The following ABHD3 variants were observed in gnomAD, a reference collection of about 807,000 sequenced individuals.
The protein encoded by ABHD3 is abhydrolase domain containing 3, phospholipase.
ABHD3 carries 46 observed loss-of-function variants against 48.8 expected under a neutral mutation model. The ratio of observed to expected loss-of-function variants is 0.94; its 90% CI spans 0.74 to 1.20. ABHD3 has a LOEUF of 1.20. Ranked by LOEUF, ABHD3 falls within the 50% of genes most tolerant of loss-of-function variation. The pLI is 0.00. For missense variants in ABHD3, 490 were observed against 497.8 expected, an observed-to-expected ratio of 0.98 and a Z score of 0.15; for synonymous variants, 192 against 183.7, an observed-to-expected ratio of 1.04 and a Z score of -0.36.
intron 1 of ABHD3, among the ~76,000 whole-genome samples, chr18:21,704,188 G>A (rs1429437525): frequency 6.6e-6 from 1 of 152,222 alleles, no homozygotes; most frequent in African/African-American, 2.4e-5. Context: ...TGCCCTGCCC[G>A]GAGTCATTTT....
At chr18:21,700,827 CAAAAAAAAAAA>C (rs375239917) in intron 3 of ABHD3, among the ~76,000 whole-genome samples, 22 of 94,396 alleles carry the variant, frequency 2.3e-4, no homozygotes, top group African/African-American at 7.3e-4. Context: ...AAGTTTTAGC[CAAAAAAAAAAA>C]AAAAAAAAAA....
intron 4 of ABHD3, among the ~76,000 whole-genome samples, chr18:21,680,872 G>GTA (rs1425651856): frequency 6.6e-6 from 1 of 151,110 alleles, no homozygotes; most frequent in Non-Finnish European, 1.5e-5. Context: ...GTGTGTGTGT[G>GTA]TGTGTGTGTA....
At chr18:21,658,416 C>G (rs1401710200) in intron 6 of ABHD3, among the ~76,000 whole-genome samples, 1 of 152,052 alleles carries the variant, frequency 6.6e-6, no homozygotes, top group Non-Finnish European at 1.5e-5. Context: ...ACATTACTAT[C>G]CAGGAAAGAC....
chr18:21,691,388 G>A (rs955285673), intron 3 of ABHD3, among the ~76,000 whole-genome samples: 1 of 152,128 alleles, frequency 6.6e-6, no homozygotes, highest in Non-Finnish European at 1.5e-5. Context: ...ATTATCAATA[G>A]TAACCAAATT....
At chr18:21,668,237 A>G (rs995538000) in intron 4 of ABHD3, among the ~76,000 whole-genome samples, 6 of 151,506 alleles carry the variant, frequency 4.0e-5, no homozygotes, top group Non-Finnish European at 8.8e-5. Context: ...AAAAGAAAAG[A>G]AAATATCTTC....
chr18:21,658,453 G>A (rs1489991926), intron 6 of ABHD3, among the ~76,000 whole-genome samples: 2 of 152,076 alleles, frequency 1.3e-5, no homozygotes, highest in African/African-American at 4.8e-5. Flanking sequence ...TTAGCAACAA[G>A]TAGAAAATCC....
chr18:21,681,075 C>T lies in ABHD3; in HGVS notation c.555+2845G>A, dbSNP rs181667174. Among the ~76,000 whole-genome samples the T allele has an allele frequency of 7.9e-5, 12 of 152,110 alleles. No individual in the cohort carries two copies. The Middle Eastern group carries it at 0.01, about 129-fold the overall frequency. On this transcript the variant is annotated intron_variant, in intron 4 of 8. Coordinates refer to ENST00000289119, the MANE Select transcript of ABHD3 (RefSeq NM_138340.5). ...CACCAATCTCCCCTTTCACTCTACA[C>T]GTGCCCTAACTAATCTCAGCTACTC...
At chr18:21,687,899 C>T (rs1253291249) in intron 3 of ABHD3, among the ~76,000 whole-genome samples, 3 of 152,248 alleles carry the variant, frequency 2.0e-5, no homozygotes, top group African/African-American at 7.2e-5. Flanking sequence ...AGCAGCATCT[C>T]TGGCCTCTAC....
intron 3 of ABHD3, among the ~76,000 whole-genome samples, chr18:21,692,987 T>C (rs2040286984): frequency 6.6e-6 from 1 of 152,206 alleles, no homozygotes. Flanking sequence ...ACAATGTCGA[T>C]TCCAGCGGCC....
intron 3 of ABHD3, among the ~76,000 whole-genome samples, chr18:21,693,943 C>T (rs2040309402): frequency 6.6e-6 from 1 of 152,046 alleles, no homozygotes; most frequent in Non-Finnish European, 1.5e-5. Context: ...CATCTCTCCT[C>T]CCTCAGGAAG....
intron 8 of ABHD3, among the ~76,000 whole-genome samples, chr18:21,654,313 T>A (rs1334242387): frequency 6.6e-6 from 1 of 152,122 alleles, no homozygotes. Context: ...GGTAACAGCT[T>A]CTCTACCTCA....
intron 3 of ABHD3, among the ~76,000 whole-genome samples, chr18:21,690,237 T>C (rs1486943606): frequency 1.3e-5 from 2 of 151,136 alleles, no homozygotes; most frequent in African/African-American, 4.9e-5. Context: ...AGCTCGAACA[T>C]AGGATAAGAG....
At chr18:21,689,764 A>G (rs2040206347) in intron 3 of ABHD3, among the ~76,000 whole-genome samples, 2 of 152,134 alleles carry the variant, frequency 1.3e-5, no homozygotes. Context: ...CACTACAAGC[A>G]ACCCAATTAA....
At chr18:21,695,996 G>A (rs1200190160) in intron 3 of ABHD3, among the ~76,000 whole-genome samples, 2 of 151,210 alleles carry the variant, frequency 1.3e-5, no homozygotes, top group Non-Finnish European at 3.0e-5. Flanking sequence ...ATTAGTTGGG[G>A]GTGGAATACA....
rs767898050 is a variant in ABHD3, at chr18:21,702,384, G to A, written c.441C>T (p.Gly147=). Residue 147 remains glycine, a synonymous_variant, in exon 3 of 9, where the codon GGC becomes GGT. Transcript: ENST00000289119. ...STRPTILLLP[G]LTGTSKESYI... is the part of the protein sequence containing the mutation. ...ATGACTCCTTGCTTGTTCCCGTGAG[G>A]CCAGGCAACAATAAGATAGTAGGTC... The A allele has an allele frequency of 2.5e-6, 4 of 1,613,920 alleles. No homozygotes were observed. In the South Asian group the frequency reaches 3.3e-5, roughly 13 times the overall value.
intron 8 of ABHD3, among the ~76,000 whole-genome samples, chr18:21,652,601 C>T (rs983860248): frequency 2.6e-5 from 4 of 151,710 alleles, no homozygotes; most frequent in Non-Finnish European, 4.4e-5. Context: ...ATGGTGAAAC[C>T]ACGTCTCTAC....
intron 4 of ABHD3, chr18:21,683,613 G>A (rs1232104116): frequency 6.5e-6 from 3 of 458,264 alleles, no homozygotes; most frequent in Non-Finnish European, 1.3e-5. Context: ...AACTATCGAT[G>A]TTAAAATGTA....
chr18:21,680,259 A>G (rs929212024), intron 4 of ABHD3, among the ~76,000 whole-genome samples: 4 of 147,522 alleles, frequency 2.7e-5, no homozygotes, highest in African/African-American at 1.0e-4. Flanking sequence ...CAAGTGATGC[A>G]CCCGCCTCAG....
chr18:21,701,480 A>C (rs939975154), intron 3 of ABHD3: 1 of 152,242 alleles, frequency 6.6e-6, no homozygotes, highest in Non-Finnish European at 1.5e-5. Flanking sequence ...CTGGGATTAC[A>C]GGCATGAGCC....
Sources: gnomAD v4.1 joint callset for allele counts (sites outside exome capture counted in the v4.1 genomes callset) on GRCh38, gnomAD v4.1.1 for gene constraint, MANE v1.5 for transcripts, NCBI Gene and HGNC (gene_info 2026-07-23, HGNC 2026-07-21) for gene names.